GPHN: variants seen among roughly 807,000 people sequenced by gnomAD.
GPHN encodes the protein gephyrin.
A neutral mutation model predicts 95.5 loss-of-function variants in GPHN; 17 were observed. The observed-to-expected ratio is 0.18, with a 90% CI of 0.12 to 0.27. GPHN has a LOEUF of 0.27. GPHN is among the 10% of genes least tolerant of loss of function. The pLI is 1.00. For synonymous variants in GPHN, 320 were observed against 322.5 expected (o/e 0.99, Z 0.08); for missense variants, 660 against 978.1 (o/e 0.67, Z 4.34).
At chr14:67,538,916 A>T in the GPHN span, among the ~76,000 whole-genome samples, 2 of 152,186 alleles carry the variant, frequency 1.3e-5, no homozygotes, top group Admixed American at 1.3e-4. Flanking sequence ...ATATTTCCAA[A>T]GTACTTGGAG....
chr14:66,828,880 A>G (rs2061478399), intron 4 of GPHN, among the ~76,000 whole-genome samples: 1 of 149,980 alleles, frequency 6.7e-6, no homozygotes. Flanking sequence ...ATTTTCCTAA[A>G]TTATGAATTT....
the GPHN span, among the ~76,000 whole-genome samples, chr14:67,475,849 G>A: frequency 6.6e-6 from 1 of 152,184 alleles, no homozygotes; most frequent in African/African-American, 2.4e-5. Context: ...CCCATTATCA[G>A]GTGCCACCCC....
intron 1 of GPHN, among the ~76,000 whole-genome samples, chr14:66,517,012 C>T (rs542663221): frequency 3.8e-4 from 58 of 151,484 alleles, no homozygotes; most frequent in Non-Finnish European, 6.2e-4. Context: ...TGCCTGTAAT[C>T]CCAGCTACTC....
the GPHN span, chr14:67,350,789 T>C: frequency 2.7e-6 from 3 of 1,124,612 alleles, no homozygotes; most frequent in East Asian, 5.2e-5. Flanking sequence ...TATTTTATGC[T>C]GGCTGTGCAT....
At chr14:67,390,829 C>T in the GPHN span, 1 of 946,556 alleles carries the variant, frequency 1.1e-6, no homozygotes, top group Non-Finnish European at 1.8e-6. Flanking sequence ...ATGCCAAACC[C>T]CCAACAAGCC....
chr14:66,719,939 AAG>A (rs1217595091), intron 2 of GPHN, among the ~76,000 whole-genome samples: 1 of 152,206 alleles, frequency 6.6e-6, no homozygotes, highest in Non-Finnish European at 1.5e-5. Context: ...CCATTTTCTA[AAG>A]AGTTATTAAA....
At chr14:66,636,740 C>T (rs1185904978) in intron 1 of GPHN, among the ~76,000 whole-genome samples, 1 of 151,990 alleles carries the variant, frequency 6.6e-6, no homozygotes, top group African/African-American at 2.4e-5. Context: ...AGGATGCTTG[C>T]AACATGGATT....
At chr14:66,839,053 G>A (rs2061972793) in intron 4 of GPHN, among the ~76,000 whole-genome samples, 1 of 152,120 alleles carries the variant, frequency 6.6e-6, no homozygotes, top group Non-Finnish European at 1.5e-5. Context: ...AAATATGAAG[G>A]ACAAATGTCC....
In GPHN at chr14:67,143,378, A is replaced by G. The variant is rs2080611781; in HGVS notation, c.1765A>G (p.Asn589Asp). 6.2e-7 allele frequency: 1 copy of G among 1,608,492 alleles called. No individual in the cohort carries two copies. Among genetic ancestry groups the G allele is most frequent in the African/African-American group, 1.3e-5 (1 of 74,942 alleles). The change falls in exon 18 of 23, where the codon AAT becomes GAT. Residue 589 changes from asparagine to aspartate, a missense_variant. Physicochemically the swap from Asn to Asp is conservative, Grantham distance 23. Transcript: ENST00000478722. ...TTTTTCCAGCCCAGATGACTTACTC[A>G]ATGCCTTGAATGAGGGTATCAGTCG... ...IVGDNPDDLL[N>D]ALNEGISRAD...
intron 1 of GPHN, among the ~76,000 whole-genome samples, chr14:66,585,541 C>T (rs1373210142): frequency 6.6e-6 from 1 of 151,932 alleles, no homozygotes; most frequent in East Asian, 1.9e-4. Flanking sequence ...TATAAATTTC[C>T]CTCTACACAC....
the GPHN span, chr14:67,651,078 C>T: frequency 6.7e-5 from 65 of 965,264 alleles, no homozygotes; most frequent in Admixed American, 1.2e-3. Flanking sequence ...ATTTTGGTGA[C>T]CAATACTACT....
At chr14:67,514,192 C>T in the GPHN span, among the ~76,000 whole-genome samples, 6 of 152,156 alleles carry the variant, frequency 3.9e-5, no homozygotes, top group Non-Finnish European at 8.8e-5. Context: ...AACACTCTGC[C>T]CTCCTATCTC....
chr14:67,591,470 CTG>C, the GPHN span, among the ~76,000 whole-genome samples: 1 of 152,198 alleles, frequency 6.6e-6, no homozygotes, highest in Non-Finnish European at 1.5e-5. Context: ...GCAGGGTTAA[CTG>C]TATACATAAA....
intron 2 of GPHN, among the ~76,000 whole-genome samples, chr14:66,751,219 A>G (rs776848719): frequency 5.9e-5 from 9 of 151,938 alleles, no homozygotes; most frequent in Admixed American, 2.6e-4. Flanking sequence ...CAATAATGGG[A>G]TTGCTGGGTT....
At chr14:67,728,926 C>T in the GPHN span, among the ~76,000 whole-genome samples, 1 of 152,144 alleles carries the variant, frequency 6.6e-6, no homozygotes, top group African/African-American at 2.4e-5. Context: ...GTACTAAAGC[C>T]ACAGTATAAA....
chr14:66,932,459 T>TTTG (rs2066868231), intron 8 of GPHN, among the ~76,000 whole-genome samples: 32 of 116,366 alleles, frequency 2.7e-4, no homozygotes, highest in South Asian at 3.1e-4. Context: ...TTTTTTTTTT[T>TTTG]TTTTTTTTTT....
intron 3 of GPHN, among the ~76,000 whole-genome samples, chr14:66,824,025 T>A (rs988305656): frequency 6.6e-6 from 1 of 152,196 alleles, no homozygotes; most frequent in Non-Finnish European, 1.5e-5. Flanking sequence ...TGTGTAATTT[T>A]GTAAATTATT....
At chr14:66,554,186 A>G (rs1189763174) in intron 1 of GPHN, among the ~76,000 whole-genome samples, 3 of 152,190 alleles carry the variant, frequency 2.0e-5, no homozygotes, top group Non-Finnish European at 2.9e-5. Flanking sequence ...TATTTGTGCC[A>G]GGATGCATAT....
the GPHN span, among the ~76,000 whole-genome samples, chr14:67,419,975 T>C: frequency 6.6e-6 from 1 of 152,232 alleles, no homozygotes; most frequent in African/African-American, 2.4e-5. Context: ...CAGGAGACTC[T>C]GATTCTTGGG....
Sources: allele counts gnomAD v4.1 joint callset (sites outside exome capture counted in the v4.1 genomes callset), GRCh38; gene constraint gnomAD v4.1.1; transcripts MANE v1.5; gene names NCBI Gene and HGNC (gene_info 2026-07-23, HGNC 2026-07-21).